ELMO1: variants seen among roughly 807,000 people sequenced by gnomAD.
ELMO1 encodes the protein engulfment and cell motility protein 1.
In ELMO1, 26 loss-of-function variants were observed where a neutral mutation model predicts 98.9. The ratio of observed to expected loss-of-function variants is 0.26; its 90% CI spans 0.19 to 0.36. The LOEUF (loss-of-function observed/expected upper bound fraction) is 0.36, where lower values mean the gene tolerates loss of function less well. ELMO1 is among the 10% of genes least tolerant of loss of function. The probability of loss-of-function intolerance (pLI) is 1.00; values close to 1 mark genes in which losing one functional copy is unlikely to be tolerated. For missense variants in ELMO1, 627 were observed against 935.2 expected (o/e 0.67, Z 4.30); for synonymous variants, 346 against 346.0 (o/e 1.00, Z 0.00).
At chr7:36,972,781 T>G (rs575826816) in intron 16 of ELMO1, among the ~76,000 whole-genome samples, 1 of 152,296 alleles carries the variant, frequency 6.6e-6, no homozygotes, top group African/African-American at 2.4e-5. Flanking sequence ...TATATCTATA[T>G]CTATAGTTTT....
chr7:37,379,967 T>C (rs896156029), intron 1 of ELMO1, among the ~76,000 whole-genome samples: 42 of 152,338 alleles, frequency 2.8e-4, no homozygotes, highest in African/African-American at 9.1e-4. Context: ...TCTAAAACTA[T>C]GCCCCAAAGT....
intron 17 of ELMO1, among the ~76,000 whole-genome samples, chr7:36,891,931 T>G (rs890375116): frequency 6.6e-6 from 1 of 152,210 alleles, no homozygotes; most frequent in Admixed American, 6.5e-5. Context: ...CTATTCAAGC[T>G]TTTTATATCC....
intron 4 of ELMO1, among the ~76,000 whole-genome samples, chr7:37,273,741 G>T (rs1174948463): frequency 6.6e-6 from 1 of 152,088 alleles, no homozygotes; most frequent in Non-Finnish European, 1.5e-5. Context: ...CTGCCTTCAG[G>T]ATCACTACCC....
rs187459166 is a variant in ELMO1, at chr7:37,403,453, T to C, written c.-74+45222A>G. Among the ~76,000 whole-genome samples, 585 of 152,234 alleles carry C rather than the reference T, an allele frequency of 3.8e-3. 3 individuals carry two copies. The highest frequency in any genetic ancestry group is 4.8e-3 in the South Asian group (23 of 4,822). On this transcript the variant is annotated intron_variant, in intron 1 of 21. Transcript: ENST00000310758. The stretch of plus-strand genomic sequence containing the variant: ...GCCAGGAGGACGGTAGGGGGGTGCA[T>C]AGGTGAAGCATCGTGGATTTTTAAG...
intron 15 of ELMO1, among the ~76,000 whole-genome samples, chr7:37,067,582 G>A (rs1797051940): frequency 6.6e-6 from 1 of 152,316 alleles, no homozygotes; most frequent in East Asian, 1.9e-4. Flanking sequence ...AGGAAAAGAT[G>A]TCGAGAGAGA....
intron 13 of ELMO1, among the ~76,000 whole-genome samples, chr7:37,141,962 G>A (rs548188877): frequency 6.6e-6 from 1 of 152,328 alleles, no homozygotes; most frequent in Admixed American, 6.5e-5. Context: ...AGTTTAAAGA[G>A]CATCGCTGTC....
intron 5 of ELMO1, among the ~76,000 whole-genome samples, chr7:37,266,477 T>C (rs1796246146): frequency 6.6e-6 from 1 of 152,012 alleles, no homozygotes; most frequent in African/African-American, 2.4e-5. Context: ...AAAGCAACAG[T>C]AGGGACTTGA....
At chr7:37,426,105 T>TA (rs1804686178) in intron 1 of ELMO1, among the ~76,000 whole-genome samples, 3 of 151,450 alleles carry the variant, frequency 2.0e-5, no homozygotes, top group East Asian at 1.9e-4. Flanking sequence ...TCTCTAAACT[T>TA]AGAGTTCTCT....
At chr7:37,375,085 C>A (rs1233899668) in intron 1 of ELMO1, among the ~76,000 whole-genome samples, 1 of 151,998 alleles carries the variant, frequency 6.6e-6, no homozygotes, top group African/African-American at 2.4e-5. Context: ...AAGAAAAAAT[C>A]TCTTAACTCC....
intron 1 of ELMO1, among the ~76,000 whole-genome samples, chr7:37,417,879 C>T (rs1012642389): frequency 3.3e-5 from 5 of 152,090 alleles, no homozygotes; most frequent in African/African-American, 1.2e-4. Flanking sequence ...AAAACAGACA[C>T]ACAAGAAGGC....
intron 4 of ELMO1, among the ~76,000 whole-genome samples, chr7:37,299,411 G>A (rs1221085646): frequency 2.2e-5 from 3 of 133,864 alleles, no homozygotes; most frequent in East Asian, 2.3e-4. Flanking sequence ...TAGGTCTAAC[G>A]TTTAAGTCTT....
At chr7:37,073,276 T>C (rs573448089) in intron 15 of ELMO1, among the ~76,000 whole-genome samples, 59 of 152,322 alleles carry the variant, frequency 3.9e-4, no homozygotes, top group Admixed American at 3.1e-3. Flanking sequence ...TTACTGATGA[T>C]AATTTTGAGG....
chr7:36,981,682 A>G (rs977092952), intron 16 of ELMO1, among the ~76,000 whole-genome samples: 1 of 152,184 alleles, frequency 6.6e-6, no homozygotes, highest in Non-Finnish European at 1.5e-5. Flanking sequence ...ATAAGTAAGG[A>G]TGAAGAAAGA....
chr7:37,151,549 C>G (rs1319928664), intron 13 of ELMO1, among the ~76,000 whole-genome samples: 2 of 152,164 alleles, frequency 1.3e-5, no homozygotes, highest in African/African-American at 4.8e-5. Flanking sequence ...GTGACACTAT[C>G]TGGCCATTTT....
At chr7:36,871,067 T>C (rs1399105235) in intron 19 of ELMO1, among the ~76,000 whole-genome samples, 1 of 152,244 alleles carries the variant, frequency 6.6e-6, no homozygotes, top group Non-Finnish European at 1.5e-5. Flanking sequence ...ATCCCTGTTT[T>C]ACAGACAACA....
intron 1 of ELMO1, among the ~76,000 whole-genome samples, chr7:37,408,429 A>C (rs1803864663): frequency 6.6e-6 from 1 of 152,234 alleles, no homozygotes; most frequent in African/African-American, 2.4e-5. Context: ...AGGAAGTGGA[A>C]AAAATAACCG....
chr7:37,397,512 C>G (rs1803347455), intron 1 of ELMO1, among the ~76,000 whole-genome samples: 1 of 152,224 alleles, frequency 6.6e-6, no homozygotes, highest in African/African-American at 2.4e-5. Context: ...AGCTGGACCC[C>G]TCAGATCTAT....
chr7:37,296,094 T>C (rs973740539), intron 4 of ELMO1, among the ~76,000 whole-genome samples: 2 of 152,348 alleles, frequency 1.3e-5, no homozygotes, highest in African/African-American at 4.8e-5. Flanking sequence ...CTTTTAGCTG[T>C]CTCCACAGTT....
At chr7:37,039,369 G>T (rs972513347) in intron 15 of ELMO1, among the ~76,000 whole-genome samples, 6 of 152,186 alleles carry the variant, frequency 3.9e-5, no homozygotes, top group Non-Finnish European at 7.3e-5. Flanking sequence ...CCATGAGGAG[G>T]GGGAGATACA....
Sources: gnomAD v4.1 joint callset for allele counts (sites outside exome capture counted in the v4.1 genomes callset) on GRCh38, gnomAD v4.1.1 for gene constraint, MANE v1.5 for transcripts, NCBI Gene and HGNC (gene_info 2026-07-23, HGNC 2026-07-21) for gene names.